The following KCNIP4 variants were observed in gnomAD, a reference collection of about 807,000 sequenced individuals.
KCNIP4 encodes potassium voltage-gated channel interacting protein 4.
KCNIP4 carries 12 observed loss-of-function variants against 34.0 expected under a neutral mutation model. The ratio of observed to expected loss-of-function variants is 0.35; its 90% confidence interval spans 0.23 to 0.57. The LOEUF is 0.57. Ranked by LOEUF, KCNIP4 falls within the 20% of genes least tolerant of loss-of-function variation. The probability of loss-of-function intolerance (pLI) is 0.83; values close to 1 mark genes in which losing one functional copy is unlikely to be tolerated. For synonymous variants in KCNIP4, 124 were observed against 102.2 expected (o/e 1.21, Z -1.29); for missense variants, 238 against 311.7 (o/e 0.76, Z 1.78).
At chr4:21,624,024 T>C (rs1045440253) in intron 1 of KCNIP4, among the ~76,000 whole-genome samples, 3 of 152,154 alleles carry the variant, frequency 2.0e-5, no homozygotes, top group Non-Finnish European at 4.4e-5. Flanking sequence ...AGAAATAACA[T>C]GTATCCAGCA....
chr4:20,872,514 T>C (rs570912854), intron 2 of KCNIP4, among the ~76,000 whole-genome samples: 2 of 151,962 alleles, frequency 1.3e-5, no homozygotes, highest in African/African-American at 4.8e-5. Context: ...CCTGGTGGAG[T>C]AGAAAATTGA....
chr4:20,874,336 T>C (rs938809246), intron 2 of KCNIP4, among the ~76,000 whole-genome samples: 1 of 152,188 alleles, frequency 6.6e-6, no homozygotes, highest in Non-Finnish European at 1.5e-5. Flanking sequence ...CTCACAGCAT[T>C]CACAGCACTT....
chr4:21,155,346 A>G (rs562478424), intron 1 of KCNIP4, among the ~76,000 whole-genome samples: 2 of 152,234 alleles, frequency 1.3e-5, no homozygotes, highest in Non-Finnish European at 2.9e-5. Context: ...GAACCTTAGA[A>G]GACATTATTT....
At chr4:21,745,744 A>G (rs1219014416) in intron 1 of KCNIP4, among the ~76,000 whole-genome samples, 1 of 152,224 alleles carries the variant, frequency 6.6e-6, no homozygotes, top group Non-Finnish European at 1.5e-5. Context: ...GTAAACATAT[A>G]CATGCTTTAT....
intron 1 of KCNIP4, among the ~76,000 whole-genome samples, chr4:21,606,246 G>A (rs558566085): frequency 2.0e-5 from 3 of 152,256 alleles, no homozygotes; most frequent in Admixed American, 2.0e-4. Flanking sequence ...GGTGGTGGTG[G>A]CTGGTAGGAT....
In KCNIP4 at chr4:21,535,261, T is replaced by G. The variant is rs115631495; in HGVS notation, c.61+413310A>C. ...ATACTTTTAGCTCTAAAGCTAGAAT[T>G]GGACACAGTGTTCTTCCAATGTATA... On this transcript the variant is annotated intron_variant, in intron 1 of 8. Transcript: ENST00000382152. Among the ~76,000 whole-genome samples the G allele has an allele frequency of 5.4e-3, 825 of 152,316 alleles. 13 individuals are homozygous for G. Among genetic ancestry groups the G allele is most frequent in the African/African-American group, 0.019 (790 of 41,570 alleles).
intron 1 of KCNIP4, among the ~76,000 whole-genome samples, chr4:21,472,062 C>T (rs939278578): frequency 6.6e-6 from 1 of 152,112 alleles, no homozygotes; most frequent in Non-Finnish European, 1.5e-5. Flanking sequence ...TCCCATGTGG[C>T]AGAGGTGCCT....
intron 1 of KCNIP4, among the ~76,000 whole-genome samples, chr4:21,886,722 G>A (rs1453540298): frequency 1.3e-5 from 2 of 152,144 alleles, no homozygotes; most frequent in Non-Finnish European, 2.9e-5. Flanking sequence ...CTGACTTCAA[G>A]ATCAGTGATA....
chr4:21,556,936 A>C (rs990416612), intron 1 of KCNIP4, among the ~76,000 whole-genome samples: 1 of 149,642 alleles, frequency 6.7e-6, no homozygotes, highest in African/African-American at 2.4e-5. Context: ...AAAAAAAAAA[A>C]AAAAAAACCA....
intron 8 of KCNIP4, 125 bp downstream of exon 8, chr4:20,731,881 T>A: frequency 6.8e-7 from 1 of 1,466,704 alleles, no homozygotes; most frequent in Non-Finnish European, 9.0e-7. Context: ...TGCTGCATGT[T>A]GTAGAAGTGG....
chr4:21,116,442 C>G (rs1316283555), intron 1 of KCNIP4, among the ~76,000 whole-genome samples: 2 of 152,144 alleles, frequency 1.3e-5, no homozygotes, highest in Non-Finnish European at 2.9e-5. Context: ...GTTCTTACGG[C>G]TTTAGAGTGA....
chr4:21,053,208 A>T (rs1336914943), intron 1 of KCNIP4, among the ~76,000 whole-genome samples: 1 of 152,176 alleles, frequency 6.6e-6, no homozygotes, highest in East Asian at 1.9e-4. Context: ...CTCTATTCTC[A>T]CTGATTTCAT....
At chr4:21,324,365 A>G (rs973441586) in intron 1 of KCNIP4, among the ~76,000 whole-genome samples, 11 of 152,000 alleles carry the variant, frequency 7.2e-5, no homozygotes, top group Non-Finnish European at 1.2e-4. Context: ...TTCTGTTAGT[A>G]GTTTCAAAGT....
At chr4:21,107,037 A>T (rs978422833) in intron 1 of KCNIP4, among the ~76,000 whole-genome samples, 5 of 147,858 alleles carry the variant, frequency 3.4e-5, no homozygotes, top group African/African-American at 5.2e-5. Flanking sequence ...CAATTTTGGA[A>T]TAGGTGTGGT....
chr4:21,553,654 C>T (rs1004963195), intron 1 of KCNIP4, among the ~76,000 whole-genome samples: 5 of 151,936 alleles, frequency 3.3e-5, no homozygotes, highest in Non-Finnish European at 5.9e-5. Context: ...TTAATTTAGT[C>T]GGTTGTAAAT....
intron 1 of KCNIP4, among the ~76,000 whole-genome samples, chr4:21,728,426 G>A (rs184683586): frequency 6.6e-6 from 1 of 152,248 alleles, no homozygotes; most frequent in Admixed American, 6.5e-5. Flanking sequence ...CAGAACTGCA[G>A]GCCAAGCTGC....
chr4:21,689,425 C>G (rs1751077237), intron 1 of KCNIP4, among the ~76,000 whole-genome samples: 1 of 152,026 alleles, frequency 6.6e-6, no homozygotes, highest in South Asian at 2.1e-4. Context: ...ATGCGATGAC[C>G]CAGCTTAGAG....
rs191883660 is a variant in KCNIP4 at position 21,284,840 on chromosome 4, G to T, written c.62-402131C>A. ...ATGTAACCGACGTGAGCACTTGGGG[G>T]TGCCCACTTCTGGGGGATGAACACA... On this transcript the variant is annotated intron_variant, in intron 1 of 8. Coordinates refer to ENST00000382152, the MANE Select transcript of KCNIP4 (RefSeq NM_025221.6). 1.6e-3 allele frequency among the ~76,000 whole-genome samples: 240 copies of T among 152,132 alleles called. 2 individuals are homozygous for T. The highest frequency in any genetic ancestry group is 5.3e-3 in the African/African-American group (222 of 41,502).
chr4:20,951,362 C>A (rs1233703178), intron 1 of KCNIP4, among the ~76,000 whole-genome samples: 2 of 152,100 alleles, frequency 1.3e-5, no homozygotes, highest in Non-Finnish European at 2.9e-5. Context: ...CCAGGAAATT[C>A]TAAATATTTT....
Sources: allele counts gnomAD v4.1 joint callset (sites outside exome capture counted in the v4.1 genomes callset), GRCh38; gene constraint gnomAD v4.1.1; transcripts MANE v1.5; gene names NCBI Gene and HGNC (gene_info 2026-07-23, HGNC 2026-07-21).